CHODL: variants seen among roughly 807,000 people sequenced by gnomAD.
The protein encoded by CHODL is transmembrane protein MT75.
In CHODL, 29 loss-of-function variants were observed where a neutral mutation model predicts 34.5. The ratio of observed to expected loss-of-function variants is 0.84; its 90% CI spans 0.63 to 1.15. The LOEUF is 1.15. CHODL is among the 50% of genes most tolerant of loss of function. The pLI is 0.00. For synonymous variants in CHODL, 125 were observed against 116.1 expected (o/e 1.08, Z -0.49); for missense variants, 332 against 332.5 (o/e 1.00, Z 0.01).
At chr21:17,933,553 G>C (rs1336585929) in intron 1 of CHODL, among the ~76,000 whole-genome samples, 1 of 152,128 alleles carries the variant, frequency 6.6e-6, no homozygotes, top group East Asian at 1.9e-4. Context: ...GCACGGGGTT[G>C]GGGTAAGGTC....
At chr21:18,093,827 C>T (rs192836288) in intron 2 of CHODL, among the ~76,000 whole-genome samples, 20 of 152,060 alleles carry the variant, frequency 1.3e-4, no homozygotes, top group South Asian at 4.2e-4. Flanking sequence ...AAGAAAGAGA[C>T]GACTGGGAAA....
chr21:17,917,887 GTGTA>G (rs1311074827), intron 1 of CHODL, among the ~76,000 whole-genome samples: 3 of 151,830 alleles, frequency 2.0e-5, no homozygotes, highest in Admixed American at 6.6e-5. Flanking sequence ...GTGTGTGTGT[GTGTA>G]TGTGTGTGTG....
intron 1 of CHODL, among the ~76,000 whole-genome samples, chr21:17,957,710 T>C (rs1384029563): frequency 6.6e-6 from 1 of 151,346 alleles, no homozygotes; most frequent in African/African-American, 2.4e-5. Flanking sequence ...AGCCACATTA[T>C]AAAAATAATA....
intron 2 of CHODL, among the ~76,000 whole-genome samples, chr21:18,222,350 G>A (rs575633134): frequency 6.6e-6 from 1 of 152,236 alleles, no homozygotes; most frequent in African/African-American, 2.4e-5. Context: ...GGAAATGCAA[G>A]AGCTATTTGG....
intron 2 of CHODL, among the ~76,000 whole-genome samples, chr21:18,052,463 C>G (rs2064527688): frequency 6.6e-6 from 1 of 151,882 alleles, no homozygotes; most frequent in Non-Finnish European, 1.5e-5. Context: ...CTGGCATCTT[C>G]TTTTGTTAAA....
intron 3 of CHODL, 112 bp downstream of exon 3, chr21:18,257,239 G>A: frequency 2.1e-6 from 2 of 966,264 alleles, no homozygotes; most frequent in Admixed American, 5.4e-5. Context: ...CTGTGAAATA[G>A]AAAATTACCT....
chr21:17,967,139 CCT>C (rs1237481592), intron 1 of CHODL, among the ~76,000 whole-genome samples: 1 of 152,104 alleles, frequency 6.6e-6, no homozygotes, highest in Non-Finnish European at 1.5e-5. Flanking sequence ...CCCACCTCGA[CCT>C]CTCAAACTGC....
chr21:18,176,980 G>A (rs1423722494), intron 2 of CHODL, among the ~76,000 whole-genome samples: 1 of 151,722 alleles, frequency 6.6e-6, no homozygotes. Flanking sequence ...AGGTTGTTGG[G>A]GTAAGGGATT....
chr21:18,250,378 G>A (rs1488172417), intron 1 of CHODL, among the ~76,000 whole-genome samples: 2 of 151,996 alleles, frequency 1.3e-5, no homozygotes, highest in Non-Finnish European at 1.5e-5. Context: ...AACTGGAAAA[G>A]TAGGGCTTGC....
At chr21:18,148,444 A>T (rs1311835498) in intron 2 of CHODL, among the ~76,000 whole-genome samples, 1 of 152,134 alleles carries the variant, frequency 6.6e-6, no homozygotes, top group Non-Finnish European at 1.5e-5. Context: ...AAGAGAAATG[A>T]TAGAATACAA....
At chr21:17,921,511 A>T (rs550799718) in intron 1 of CHODL, among the ~76,000 whole-genome samples, 6 of 152,292 alleles carry the variant, frequency 3.9e-5, no homozygotes, top group African/African-American at 1.4e-4. Context: ...GAGGTACAGT[A>T]TCTAGAATAG....
At chr21:18,072,135 A>G in intron 2 of CHODL, among the ~76,000 whole-genome samples, 1 of 152,182 alleles carries the variant, frequency 6.6e-6, no homozygotes, top group Middle Eastern at 3.4e-3. Flanking sequence ...TAATTCTAAA[A>G]CTATTAATAG....
intron 1 of CHODL, among the ~76,000 whole-genome samples, chr21:17,951,180 G>C (rs1426728017): frequency 2.0e-5 from 3 of 151,138 alleles, no homozygotes; most frequent in Non-Finnish European, 4.4e-5. Flanking sequence ...TGATTACTTT[G>C]GTGGGGCCTT....
intron 1 of CHODL, among the ~76,000 whole-genome samples, chr21:17,992,826 G>A (rs1020701056): frequency 7.4e-6 from 1 of 134,234 alleles, no homozygotes; most frequent in Non-Finnish European, 1.5e-5. Flanking sequence ...AACTAATTTT[G>A]TATTTTTAGT....
At chr21:18,176,429 A>G (rs150122330) in intron 2 of CHODL, among the ~76,000 whole-genome samples, 16 of 152,336 alleles carry the variant, frequency 1.1e-4, no homozygotes, top group South Asian at 4.1e-4. Flanking sequence ...AAAGACATCA[A>G]TAGTTACTAT....
At chr21:18,028,001 A>G (rs1270143843) in intron 2 of CHODL, 1 of 152,406 alleles carries the variant, frequency 6.6e-6, no homozygotes, top group African/African-American at 2.4e-5. Context: ...TGTTTAAGCC[A>G]CCTGGTCATG....
At chr21:18,218,654 C>T (rs1347934069) in intron 2 of CHODL, among the ~76,000 whole-genome samples, 3 of 152,144 alleles carry the variant, frequency 2.0e-5, no homozygotes, top group Non-Finnish European at 4.4e-5. Context: ...TTTTTCTTTC[C>T]TATTTCGTTG....
chr21:17,982,050 A>T (rs893446251), intron 1 of CHODL, among the ~76,000 whole-genome samples: 1 of 152,226 alleles, frequency 6.6e-6, no homozygotes, highest in Non-Finnish European at 1.5e-5. Flanking sequence ...TTGGTGTAAA[A>T]GTAGTTTTCA....
chr21:18,051,394 C>A (rs1363906382), intron 2 of CHODL, among the ~76,000 whole-genome samples: 1 of 150,358 alleles, frequency 6.7e-6, no homozygotes, highest in East Asian at 2.0e-4. Context: ...AGGTTAGGTA[C>A]AGCTTTGTCT....
Sources: gnomAD v4.1 joint callset for allele counts (sites outside exome capture counted in the v4.1 genomes callset) on GRCh38, gnomAD v4.1.1 for gene constraint, MANE v1.5 for transcripts, NCBI Gene and HGNC (gene_info 2026-07-23, HGNC 2026-07-21) for gene names.